HECTD4: variants seen among roughly 807,000 people sequenced by gnomAD.
HECTD4 encodes probable E3 ubiquitin-protein ligase HECTD4.
Under a neutral mutation model 471.5 loss-of-function variants are expected in HECTD4, and 114 were observed. The observed-to-expected ratio is 0.24, with a 90% confidence interval of 0.21 to 0.28. The LOEUF (loss-of-function observed/expected upper bound fraction) is 0.28. HECTD4 is among the 10% of genes least tolerant of loss of function. The pLI, the probability that HECTD4 is intolerant of heterozygous loss-of-function variation, is 1.00. For missense variants in HECTD4, 3,866 were observed against 5,651.5 expected (o/e 0.68, Z 10.13); for synonymous variants, 2,012 against 2,256.0 (o/e 0.89, Z 3.07).
rs768640655 is a variant in HECTD4 at position 112,164,122 on chromosome 12, G to T, written c.12688C>A (p.His4230Asn). 1.9e-6 allele frequency: 3 copies of T among 1,599,524 alleles called. No individual in the cohort carries two copies. The South Asian group carries it at 3.3e-5, about 18-fold the overall frequency. The part of the protein sequence containing the change: ...EEVELCSRGR[H>N]ILVAWENKDI... The stretch of plus-strand genomic sequence containing the variant: ...GCACACACTCACGCCACAAGGATGT[G>T]CCGGCCCCGGCTGCACAGCTCCACC... Residue 4230 changes from histidine to asparagine, a missense_variant, in exon 73 of 76, where the codon CAC becomes AAC. His to Asn is a moderately conservative substitution (Grantham distance 68). This residue lies in a region of HECTD4 where 715 missense variants were observed against 1,087.6 expected (regional missense o/e 0.66). Transcript: ENST00000682272.
intron 1 of HECTD4, among the ~76,000 whole-genome samples, chr12:112,334,522 C>T (rs1005548905): frequency 3.3e-5 from 5 of 151,122 alleles, no homozygotes; most frequent in African/African-American, 4.9e-5. Flanking sequence ...CGGCCAGGCA[C>T]GGTGGCTCAC....
At chr12:112,354,909 G>A (rs1036329408) in intron 1 of HECTD4, among the ~76,000 whole-genome samples, 1 of 151,976 alleles carries the variant, frequency 6.6e-6, no homozygotes, top group Non-Finnish European at 1.5e-5. Flanking sequence ...GATGAGCGCT[G>A]CCCTACAGGT....
chr12:112,274,584 G>A (rs1371573005), intron 10 of HECTD4, among the ~76,000 whole-genome samples: 9 of 152,158 alleles, frequency 5.9e-5, no homozygotes, highest in African/African-American at 1.9e-4. Flanking sequence ...GTGTGCTCCT[G>A]TAGTCCCAGT....
chr12:112,208,746 G>C, intron 50 of HECTD4, 116 bp from the exon 51 acceptor site: 2 of 763,764 alleles, frequency 2.6e-6, no homozygotes, highest in South Asian at 6.8e-5. Context: ...AAGACTCCTA[G>C]TACACTGAGG....
intron 45 of HECTD4, 123 bp from the exon 46 acceptor site, chr12:112,217,318 TACACACACACACACACATACACAC>T (rs1479237368): frequency 4.2e-6 from 2 of 470,656 alleles, no homozygotes; most frequent in Non-Finnish European, 7.4e-6. Context: ...CACACACACA[TACACACACACACACACATACACAC>T]ACACACACAC....
intron 16 of HECTD4, 136 bp from the exon 17 acceptor site, chr12:112,264,348 G>C (rs777425227): frequency 1.0e-5 from 8 of 770,320 alleles, no homozygotes; most frequent in Non-Finnish European, 1.5e-5. Context: ...TAGTTTTTCA[G>C]GTGCCTTATT....
intron 1 of HECTD4, among the ~76,000 whole-genome samples, chr12:112,378,277 G>A (rs1207264769): frequency 6.6e-6 from 1 of 152,084 alleles, no homozygotes; most frequent in Admixed American, 6.6e-5. Context: ...GGAGTGCAGT[G>A]ACGCGATCTC....
intron 1 of HECTD4, among the ~76,000 whole-genome samples, chr12:112,326,658 G>C (rs1250999891): frequency 2.0e-5 from 3 of 152,176 alleles, no homozygotes; most frequent in African/African-American, 4.8e-5. Context: ...GTGTAGGAGT[G>C]AGGATAGGCA....
intron 24 of HECTD4, 125 bp downstream of exon 24, chr12:112,250,846 A>G: frequency 1.1e-6 from 1 of 872,984 alleles, no homozygotes. Context: ...CTTAGACACA[A>G]TGACACCCAT....
At chr12:112,167,741 ACTG>A in intron 71 of HECTD4, 70 bp downstream of exon 71, 1 of 1,355,952 alleles carries the variant, frequency 7.4e-7, no homozygotes, top group Non-Finnish European at 1.1e-6. Flanking sequence ...TGAGACACAC[ACTG>A]CCCGCCACCC....
Position 112,160,860 on chromosome 12 carries a change from A to G in HECTD4, c.*1527T>C, listed in dbSNP as rs545997128. Reference sequence around the variant, plus strand: ...GCAGGGGAACTGCTTGCGGGCACTCACCTCCAGAGTTGACTTGCATCCAAT... The same window carrying G: ...GCAGGGGAACTGCTTGCGGGCACTCGCCTCCAGAGTTGACTTGCATCCAAT... On this transcript the variant is annotated 3_prime_UTR_variant, in exon 76 of 76. Coordinates refer to ENST00000682272, the MANE Select transcript of HECTD4 (RefSeq NM_001388303.1). The G allele has an allele frequency of 6.6e-6, 1 of 152,256 alleles. No individual in the cohort carries two copies. The highest frequency in any genetic ancestry group is 2.1e-4 in the South Asian group (1 of 4,826). The allele number at this position is 152,256 out of a possible 1,614,324, so 9.4% of individuals were successfully genotyped here.
At position 112,228,871 on chromosome 12, in the gene HECTD4, C is replaced by G; in HGVS notation, c.6520-60G>C. 1 of 1,508,314 alleles carries G rather than the reference C, an allele frequency of 6.6e-7. No homozygotes were observed. Among genetic ancestry groups the G allele is most frequent in the Non-Finnish European group, 9.1e-7 (1 of 1,103,996 alleles). The allele number at this position is 1,508,314 out of a possible 1,614,324, so 93.4% of individuals were successfully genotyped here. A position where few individuals can be genotyped will look rare whatever the true frequency, so the allele number is the denominator to read the frequency against. ...CTCTGACGTGTGGGCAGCTGTCTTA[C>G]GAGACAAGAGGAAAAAGTAAATTTA... On this transcript the variant is annotated intron_variant, in intron 41 of 75. Coordinates refer to ENST00000682272, the MANE Select transcript of HECTD4 (RefSeq NM_001388303.1). This position sits in a 1 kb window ranked among gnomAD's most constrained non-coding sequence, Gnocchi z 4.9.
intron 64 of HECTD4, among the ~76,000 whole-genome samples, chr12:112,177,997 T>C (rs560482394): frequency 6.6e-6 from 1 of 152,354 alleles, no homozygotes; most frequent in South Asian, 2.1e-4. Flanking sequence ...TATATAGGCA[T>C]AAATCAAAGG....
chr12:112,207,502 C>T (rs757720359), intron 52 of HECTD4, among the ~76,000 whole-genome samples: 5 of 152,138 alleles, frequency 3.3e-5, no homozygotes, highest in Non-Finnish European at 5.9e-5. Flanking sequence ...ATCAACCTTG[C>T]AGAGCACATA....
rs2032121986 is a variant in HECTD4, at chr12:112,192,765, G to A, written c.9087C>T (p.Asp3029=). The change falls in exon 59 of 76, where the codon GAC becomes GAT. Residue 3029 remains aspartate (D), a splice_region_variant and synonymous_variant. Transcript: ENST00000682272. ...CCCACGGTGCCTTGTACAGAGAGGAGCTGAGAAGGAGGGATGGGTGGGTGT... is the reference window on the plus strand; with the variant it reads ...CCCACGGTGCCTTGTACAGAGAGGAACTGAGAAGGAGGGATGGGTGGGTGT... ...CKESQSGFRK[D]SSLYKAPWAR... The A allele has an allele frequency of 2.0e-5, 32 of 1,576,408 alleles. No homozygotes were observed. The highest frequency in any genetic ancestry group is 2.8e-5 in the Non-Finnish European group (32 of 1,161,150).
At chr12:112,164,312 C>A in intron 72 of HECTD4, 37 bp from the exon 73 acceptor site, 2 of 1,583,666 alleles carry the variant, frequency 1.3e-6, no homozygotes, top group Non-Finnish European at 8.6e-7. Context: ...CATTATGAGG[C>A]CATGGGAGGT....
intron 1 of HECTD4, among the ~76,000 whole-genome samples, chr12:112,355,287 CAAAAAAAAAA>C (rs1310033896): frequency 9.0e-6 from 1 of 111,424 alleles, no homozygotes; most frequent in South Asian, 3.5e-4. Flanking sequence ...AAATGGGATT[CAAAAAAAAAA>C]AAAAAAAAAA....
intron 44 of HECTD4, among the ~76,000 whole-genome samples, chr12:112,221,981 T>A (rs1399258742): frequency 6.7e-6 from 1 of 150,332 alleles, no homozygotes; most frequent in African/African-American, 2.5e-5. Context: ...TGGAGTGCAG[T>A]GGTGTGATCT....
At chr12:112,307,975 A>G (rs1209027293) in intron 6 of HECTD4, among the ~76,000 whole-genome samples, 1 of 152,234 alleles carries the variant, frequency 6.6e-6, no homozygotes, top group East Asian at 1.9e-4. Context: ...CACTTGCTGA[A>G]TGCTTACTAG....
Sources: allele counts gnomAD v4.1 joint callset (sites outside exome capture counted in the v4.1 genomes callset), GRCh38; gene constraint gnomAD v4.1.1; regional missense constraint gnomAD v4.1.1; non-coding constraint Gnocchi (gnomAD v3.1); transcripts MANE v1.5; gene names NCBI Gene and HGNC (gene_info 2026-07-23, HGNC 2026-07-21).